GLIS3: variants seen among roughly 807,000 people sequenced by gnomAD.
GLIS3 encodes zinc finger protein GLIS3.
In GLIS3, 53 loss-of-function variants were observed where a neutral mutation model predicts 78.6. The observed-to-expected ratio is 0.67, with a 90% CI of 0.54 to 0.85. The LOEUF (loss-of-function observed/expected upper bound fraction) is 0.85. Among genes scored for constraint, GLIS3 ranks in the 40% least tolerant of loss-of-function variants. GLIS3 has a pLI of 0.00. For missense variants in GLIS3, 1,703 were observed against 1,231.1 expected (o/e 1.38, Z -5.74); for synonymous variants, 684 against 509.9 (o/e 1.34, Z -4.60).
chr9:4,170,325 C>A (rs1333545248), intron 2 of GLIS3, among the ~76,000 whole-genome samples: 1 of 152,210 alleles, frequency 6.6e-6, no homozygotes, highest in Non-Finnish European at 1.5e-5. Flanking sequence ...AAGTCTCTTG[C>A]CAGAATGGCC....
intron 2 of GLIS3, among the ~76,000 whole-genome samples, chr9:4,273,364 G>A (rs1031539788): frequency 6.6e-6 from 1 of 152,112 alleles, no homozygotes; most frequent in African/African-American, 2.4e-5. Context: ...GAAGGCTGAG[G>A]CAGGAGGGTC....
intron 2 of GLIS3, among the ~76,000 whole-genome samples, chr9:4,220,890 TG>T (rs1821275165): frequency 6.6e-6 from 1 of 151,838 alleles, no homozygotes; most frequent in Non-Finnish European, 1.5e-5. Flanking sequence ...GAGGCTGAGG[TG>T]GGAGGATCGC....
the GLIS3 span, among the ~76,000 whole-genome samples, chr9:4,359,844 G>C: frequency 6.6e-6 from 1 of 152,014 alleles, no homozygotes; most frequent in South Asian, 2.1e-4. Context: ...TTAAATAAAA[G>C]CGGGCACCAA....
chr9:4,036,729 A>G (rs1220679284), intron 4 of GLIS3, among the ~76,000 whole-genome samples: 1 of 152,252 alleles, frequency 6.6e-6, no homozygotes, highest in Non-Finnish European at 1.5e-5. Context: ...AATTCCCACC[A>G]TAGTGATTAC....
intron 4 of GLIS3, among the ~76,000 whole-genome samples, chr9:4,000,958 T>C (rs1392908130): frequency 6.6e-6 from 1 of 152,224 alleles, no homozygotes; most frequent in Non-Finnish European, 1.5e-5. Context: ...TGCCAATTTT[T>C]CTATTTATAT....
At chr9:4,355,571 T>A in the GLIS3 span, among the ~76,000 whole-genome samples, 1 of 152,134 alleles carries the variant, frequency 6.6e-6, no homozygotes, top group African/African-American at 2.4e-5. Flanking sequence ...CCAGGAACTG[T>A]AAGAAGGATC....
chr9:4,086,523 A>C (rs1829033835), intron 4 of GLIS3, among the ~76,000 whole-genome samples: 1 of 152,246 alleles, frequency 6.6e-6, no homozygotes, highest in East Asian at 1.9e-4. Context: ...AATTCAATAA[A>C]ATTGAAAAAG....
intron 3 of GLIS3, among the ~76,000 whole-genome samples, chr9:4,120,293 G>C (rs557087855): frequency 2.0e-5 from 3 of 152,148 alleles, no homozygotes; most frequent in Admixed American, 6.5e-5. Context: ...CACAGTACAA[G>C]GTGATAACAC....
chr9:4,433,401 C>T, the GLIS3 span, among the ~76,000 whole-genome samples: 4 of 152,082 alleles, frequency 2.6e-5, no homozygotes, highest in African/African-American at 9.7e-5. Flanking sequence ...CACTTCACTC[C>T]AGCCTAGGTG....
At chr9:3,884,544 G>A (rs1227069174) in intron 7 of GLIS3, among the ~76,000 whole-genome samples, 1 of 152,156 alleles carries the variant, frequency 6.6e-6, no homozygotes, top group African/African-American at 2.4e-5. Flanking sequence ...TGCTGAGGCT[G>A]CTGGTATGGA....
At chr9:4,043,198 T>C (rs917798932) in intron 4 of GLIS3, among the ~76,000 whole-genome samples, 1 of 152,102 alleles carries the variant, frequency 6.6e-6, no homozygotes, top group Non-Finnish European at 1.5e-5. Context: ...TTTGTTCCTT[T>C]CCTCCCAATC....
chr9:4,152,254 G>C, intron 2 of GLIS3: 1 of 280,550 alleles, frequency 3.6e-6, no homozygotes, highest in Non-Finnish European at 5.4e-6. Flanking sequence ...CCTTTGTGAG[G>C]CAGGGTTCTT....
At chr9:4,343,920 T>A (rs1156998140) in intron 2 of GLIS3, among the ~76,000 whole-genome samples, 8 of 151,610 alleles carry the variant, frequency 5.3e-5, no homozygotes, top group Non-Finnish European at 1.2e-4. Context: ...TACCTGAGAG[T>A]GGAGGGTGGG....
chr9:4,257,264 A>G (rs1381075845), intron 2 of GLIS3, among the ~76,000 whole-genome samples: 1 of 152,140 alleles, frequency 6.6e-6, no homozygotes, highest in African/African-American at 2.4e-5. Context: ...GCATGATCTC[A>G]TATGTGGAAT....
chr9:3,978,488 TA>T (rs1291087250), intron 4 of GLIS3, among the ~76,000 whole-genome samples: 25 of 151,572 alleles, frequency 1.6e-4, no homozygotes, highest in African/African-American at 5.6e-4. Context: ...TCCATATCAA[TA>T]AATATATACC....
intron 4 of GLIS3, among the ~76,000 whole-genome samples, chr9:4,072,903 G>A (rs1360069549): frequency 6.6e-6 from 1 of 151,798 alleles, no homozygotes; most frequent in Admixed American, 6.6e-5. Context: ...GCCCCAAATC[G>A]AACTGAAAGC....
chr9:4,208,087 G>C (rs1820042209), intron 2 of GLIS3, among the ~76,000 whole-genome samples: 1 of 152,154 alleles, frequency 6.6e-6, no homozygotes, highest in Non-Finnish European at 1.5e-5. Context: ...TGCCTGCCAA[G>C]AGCAGGCCTA....
At position 3,949,086 on chromosome 9, in the gene GLIS3, T is replaced by C. The variant is rs901569464; in HGVS notation, c.1711-11897A>G. ...CTCAGTTATTTAACCAAGTATTCCCTCCGTGTAATTCCAAAGGAATGTTAT... is the reference window on the plus strand; with the variant it reads ...CTCAGTTATTTAACCAAGTATTCCCCCCGTGTAATTCCAAAGGAATGTTAT... On this transcript the variant is annotated intron_variant, in intron 4 of 10. Coordinates refer to ENST00000381971, the MANE Select transcript of GLIS3 (RefSeq NM_001042413.2). Among the ~76,000 whole-genome samples the C allele has an allele frequency of 2.6e-5, 4 of 152,248 alleles. 1 individual carries two copies. The highest frequency in any genetic ancestry group is 6.8e-3 in the Middle Eastern group (2 of 294).
intron 6 of GLIS3, among the ~76,000 whole-genome samples, chr9:3,921,463 C>T (rs1213656789): frequency 6.6e-6 from 1 of 152,184 alleles, no homozygotes; most frequent in African/African-American, 2.4e-5. Context: ...GTTCCAAAGC[C>T]TTACTTGTCC....
Sources: gnomAD v4.1 joint callset for allele counts (sites outside exome capture counted in the v4.1 genomes callset) on GRCh38, gnomAD v4.1.1 for gene constraint, MANE v1.5 for transcripts, NCBI Gene and HGNC (gene_info 2026-07-23, HGNC 2026-07-21) for gene names.